The following FARS2 variants were observed in gnomAD, a reference collection of about 807,000 sequenced individuals.
FARS2 encodes phenylalanyl-tRNA synthetase 2, mitochondrial.
In FARS2, 40 loss-of-function variants were observed where a neutral mutation model predicts 46.4. That is an observed-to-expected ratio of 0.86 (90% CI 0.67 to 1.12). FARS2 has a LOEUF of 1.12. Ranked by LOEUF, FARS2 falls within the 50% of genes most tolerant of loss-of-function variation. The pLI, the probability that FARS2 is intolerant of heterozygous loss-of-function variation, is 0.00. For missense variants in FARS2, 513 were observed against 567.9 expected, an observed-to-expected ratio of 0.90 and a Z score of 0.98; for synonymous variants, 234 against 214.9, an observed-to-expected ratio of 1.09 and a Z score of -0.78.
At position 5,450,146 on chromosome 6, in the gene FARS2, T is replaced by C. The variant is rs533085506; in HGVS notation, c.904+18974T>C. 2.1e-4 allele frequency among the ~76,000 whole-genome samples: 32 copies of C among 152,356 alleles called. No homozygotes were observed. In the South Asian group the frequency reaches 5.8e-3, roughly 28 times the overall value. Reference sequence around the variant, plus strand: ...AGGGTCAACTGTATGAGGCTACAGATGGCCCCTGCCCTCCTGCAGCTCACA... The same window carrying C: ...AGGGTCAACTGTATGAGGCTACAGACGGCCCCTGCCCTCCTGCAGCTCACA... On this transcript the variant is annotated intron_variant, in intron 4 of 6. Transcript: ENST00000274680.
At chr6:5,580,328 G>C (rs1357706018) in intron 5 of FARS2, among the ~76,000 whole-genome samples, 1 of 150,678 alleles carries the variant, frequency 6.6e-6, no homozygotes, top group Admixed American at 6.6e-5. Context: ...AGGGAGGAAG[G>C]AAGGAAGGAA....
At chr6:5,535,580 G>A (rs897145482) in intron 4 of FARS2, among the ~76,000 whole-genome samples, 2 of 152,132 alleles carry the variant, frequency 1.3e-5, no homozygotes, top group African/African-American at 2.4e-5. Context: ...TCTTTGTCTT[G>A]TTCCCGATCT....
chr6:5,766,200 G>C (rs1438825935), intron 6 of FARS2, among the ~76,000 whole-genome samples: 1 of 152,238 alleles, frequency 6.6e-6, no homozygotes, highest in Non-Finnish European at 1.5e-5. Flanking sequence ...AGTGCAGCCT[G>C]TTCTGTCCTT....
intron 4 of FARS2, among the ~76,000 whole-genome samples, chr6:5,518,509 A>G (rs1325693940): frequency 1.3e-5 from 2 of 152,208 alleles, no homozygotes; most frequent in African/African-American, 4.8e-5. Flanking sequence ...GTGAAATTCT[A>G]TGAGAATATA....
At chr6:5,475,704 A>T (rs1766081792) in intron 4 of FARS2, among the ~76,000 whole-genome samples, 1 of 152,010 alleles carries the variant, frequency 6.6e-6, no homozygotes, top group African/African-American at 2.4e-5. Flanking sequence ...CTCTGCTCTT[A>T]CTGGTCTCTG....
chr6:5,588,560 C>A (rs912563970), intron 5 of FARS2, among the ~76,000 whole-genome samples: 1 of 152,274 alleles, frequency 6.6e-6, no homozygotes, highest in Admixed American at 6.5e-5. Flanking sequence ...CCAGCTTGCT[C>A]ACCTTTTCGC....
chr6:5,358,790 C>G (rs1296043761), intron 1 of FARS2, among the ~76,000 whole-genome samples: 1 of 151,936 alleles, frequency 6.6e-6, no homozygotes, highest in African/African-American at 2.4e-5. Flanking sequence ...TGACTTAGGA[C>G]AGCAAAACGG....
chr6:5,308,830 T>TA (rs1379159565), intron 1 of FARS2, among the ~76,000 whole-genome samples: 1 of 152,216 alleles, frequency 6.6e-6, no homozygotes, highest in Non-Finnish European at 1.5e-5. Context: ...TTATTTCTCA[T>TA]AGACCTCAAG....
intron 1 of FARS2, among the ~76,000 whole-genome samples, chr6:5,267,570 GA>G (rs1765635186): frequency 1.3e-5 from 2 of 151,916 alleles, no homozygotes; most frequent in South Asian, 4.1e-4. Context: ...CTAACACAGT[GA>G]AAACCCGTCT....
chr6:5,649,413 A>C (rs1221371236), intron 6 of FARS2, among the ~76,000 whole-genome samples: 1 of 152,166 alleles, frequency 6.6e-6, no homozygotes, highest in Non-Finnish European at 1.5e-5. Flanking sequence ...TGTTTGGAAG[A>C]TTTGAGTGGT....
Position 5,311,996 on chromosome 6 carries a change from G to A in FARS2, c.-22+50336G>A, listed in dbSNP as rs1290265823. Among the ~76,000 whole-genome samples, 1 of 152,004 alleles carries A rather than the reference G, an allele frequency of 6.6e-6. No individual in the cohort carries two copies. Among genetic ancestry groups the A allele is most frequent in the East Asian group, 1.9e-4 (1 of 5,196 alleles). ...TCGTAGAATCTTCGGTGTGTTGAAGGGTTTTATGTAATACAAACATTCATC... is the reference window on the plus strand; with the variant it reads ...TCGTAGAATCTTCGGTGTGTTGAAGAGTTTTATGTAATACAAACATTCATC... On this transcript the variant is annotated intron_variant, in intron 1 of 6. Coordinates refer to ENST00000274680, the MANE Select transcript of FARS2 (RefSeq NM_006567.5). The surrounding 1 kb of genome is among the most constrained non-coding windows in gnomAD (Gnocchi z 4.1).
chr6:5,512,753 T>A (rs1768534129), intron 4 of FARS2, among the ~76,000 whole-genome samples: 3 of 152,110 alleles, frequency 2.0e-5, no homozygotes, highest in Non-Finnish European at 4.4e-5. Flanking sequence ...TTCATTCTTT[T>A]CAGCAAAAAA....
At chr6:5,750,519 A>C (rs1174035062) in intron 6 of FARS2, among the ~76,000 whole-genome samples, 1 of 152,142 alleles carries the variant, frequency 6.6e-6, no homozygotes, top group East Asian at 1.9e-4. Context: ...GTCAGGAGTG[A>C]GTTCGGCTTG....
intron 4 of FARS2, among the ~76,000 whole-genome samples, chr6:5,435,708 C>T (rs1331152637): frequency 5.9e-5 from 9 of 152,108 alleles, no homozygotes; most frequent in Admixed American, 5.2e-4. Context: ...AATGGAGCAC[C>T]GCGTCCAAAA....
intron 1 of FARS2, among the ~76,000 whole-genome samples, chr6:5,302,547 C>G (rs1209118534): frequency 6.6e-6 from 1 of 152,170 alleles, no homozygotes; most frequent in East Asian, 1.9e-4. Flanking sequence ...ACACTGAATC[C>G]TCTCCTCAAT....
At chr6:5,729,832 T>C (rs897603621) in intron 6 of FARS2, among the ~76,000 whole-genome samples, 3 of 152,224 alleles carry the variant, frequency 2.0e-5, no homozygotes, top group African/African-American at 7.2e-5. Flanking sequence ...ACCTACCTGT[T>C]TCCTAAGAGC....
chr6:5,387,104 C>T (rs1378905023), intron 2 of FARS2, among the ~76,000 whole-genome samples: 1 of 152,080 alleles, frequency 6.6e-6, no homozygotes, highest in African/African-American at 2.4e-5. Context: ...GCAGCATGGT[C>T]TGGGGCTGGA....
At chr6:5,346,615 C>T (rs1353959216) in intron 1 of FARS2, among the ~76,000 whole-genome samples, 3 of 152,092 alleles carry the variant, frequency 2.0e-5, no homozygotes, top group African/African-American at 2.4e-5. Context: ...TGAAAAATTT[C>T]GAGCATACAG....
intron 5 of FARS2, among the ~76,000 whole-genome samples, chr6:5,565,655 T>C (rs1341610223): frequency 1.3e-5 from 2 of 152,218 alleles, no homozygotes; most frequent in Non-Finnish European, 2.9e-5. Context: ...CATATATTAG[T>C]ATTATTCACC....
Sources: allele counts gnomAD v4.1 joint callset (sites outside exome capture counted in the v4.1 genomes callset), GRCh38; gene constraint gnomAD v4.1.1; non-coding constraint Gnocchi (gnomAD v3.1); transcripts MANE v1.5; gene names NCBI Gene and HGNC (gene_info 2026-07-23, HGNC 2026-07-21).